Variants in SRD5A2 observed in about 807,000 individuals in gnomAD.
SRD5A2 encodes steroid 5 alpha-reductase 2.
SRD5A2 carries 30 observed loss-of-function variants against 27.4 expected under a neutral mutation model. The observed-to-expected ratio is 1.10, with a 90% CI of 0.82 to 1.49. The LOEUF is 1.49. SRD5A2 is among the 40% of genes most tolerant of loss of function. SRD5A2 has a pLI of 0.00. For missense variants in SRD5A2, 348 were observed against 323.4 expected, an observed-to-expected ratio of 1.08 and a Z score of -0.58; for synonymous variants, 141 against 133.6, an observed-to-expected ratio of 1.06 and a Z score of -0.38.
intron 1 of SRD5A2, among the ~76,000 whole-genome samples, chr2:31,554,468 T>G (rs984228106): frequency 3.3e-5 from 5 of 152,194 alleles, no homozygotes; most frequent in African/African-American, 1.2e-4. Context: ...GTATAGTTTT[T>G]CAATATGGAC....
chr2:31,586,903 C>A, the SRD5A2 span, among the ~76,000 whole-genome samples: 2 of 152,106 alleles, frequency 1.3e-5, no homozygotes, highest in South Asian at 4.1e-4. Context: ...TGGACCAATC[C>A]TGGAGAAACA....
intron 1 of SRD5A2, among the ~76,000 whole-genome samples, chr2:31,551,231 G>A (rs1666375911): frequency 6.6e-6 from 1 of 152,036 alleles, no homozygotes; most frequent in Non-Finnish European, 1.5e-5. Flanking sequence ...GACATATCAT[G>A]TTCATGGATT....
At chr2:31,653,840 A>G in the SRD5A2 span, among the ~76,000 whole-genome samples, 1 of 152,210 alleles carries the variant, frequency 6.6e-6, no homozygotes, top group East Asian at 1.9e-4. Flanking sequence ...TTGTATTTTT[A>G]GTAGAAACGG....
chr2:31,644,468 G>A, the SRD5A2 span, among the ~76,000 whole-genome samples: 1 of 152,144 alleles, frequency 6.6e-6, no homozygotes, highest in African/African-American at 2.4e-5. Flanking sequence ...GCTGGTGGTG[G>A]GGCTAGTTAA....
At chr2:31,527,235 G>A (rs375676393) in intron 4 of SRD5A2, among the ~76,000 whole-genome samples, 2 of 152,146 alleles carry the variant, frequency 1.3e-5, no homozygotes, top group East Asian at 1.9e-4. Flanking sequence ...TGCTTAAGTT[G>A]CCAGGCTGTC....
At chr2:31,605,769 C>A in the SRD5A2 span, among the ~76,000 whole-genome samples, 3 of 151,592 alleles carry the variant, frequency 2.0e-5, no homozygotes, top group Non-Finnish European at 4.4e-5. Context: ...AATTGAGCTA[C>A]TATATGATCC....
the SRD5A2 span, among the ~76,000 whole-genome samples, chr2:31,600,553 G>A: frequency 3.3e-5 from 5 of 151,714 alleles, no homozygotes; most frequent in South Asian, 2.1e-4. Flanking sequence ...ATGGTATCTC[G>A]TTTTGATTTG....
the SRD5A2 span, among the ~76,000 whole-genome samples, chr2:31,652,645 T>C: frequency 6.6e-6 from 1 of 152,062 alleles, no homozygotes; most frequent in Non-Finnish European, 1.5e-5. Flanking sequence ...TTGGATACGG[T>C]TGAAATGCAA....
In SRD5A2 at chr2:31,564,982, T is replaced by C. The variant is rs369770296; in HGVS notation, c.281+15638A>G. On this transcript the variant is annotated intron_variant, in intron 1 of 4. Coordinates refer to ENST00000622030, the MANE Select transcript of SRD5A2 (RefSeq NM_000348.4). ...ATCTTATTTAAAACTGTTTAAAAGA[T>C]AATTGACGATTTAAACAAAAATAAT... Among the ~76,000 whole-genome samples the C allele has an allele frequency of 9.9e-5, 15 of 151,980 alleles. No homozygotes were observed. In the East Asian group the frequency reaches 2.3e-3, roughly 23 times the overall value.
chr2:31,583,630 AAAAAAAAAGC>A (rs1667123166), upstream of SRD5A2, among the ~76,000 whole-genome samples: 1 of 25,908 alleles, frequency 3.9e-5, no homozygotes, highest in African/African-American at 8.4e-5. Flanking sequence ...AAAAAAAAAC[AAAAAAAAAGC>A]AAAAAAAAAA....
chr2:31,657,291 T>C, the SRD5A2 span, among the ~76,000 whole-genome samples: 4 of 152,240 alleles, frequency 2.6e-5, no homozygotes, highest in Non-Finnish European at 5.9e-5. Flanking sequence ...TAGACTATCT[T>C]CAGAATTTTT....
At chr2:31,625,745 G>A in the SRD5A2 span, among the ~76,000 whole-genome samples, 1 of 152,182 alleles carries the variant, frequency 6.6e-6, no homozygotes, top group Admixed American at 6.6e-5. Context: ...TCAGTACAAT[G>A]CTGTTTTGGT....
the SRD5A2 span, among the ~76,000 whole-genome samples, chr2:31,625,230 G>A: frequency 6.6e-6 from 1 of 152,058 alleles, no homozygotes; most frequent in African/African-American, 2.4e-5. Flanking sequence ...TTGTAAATTT[G>A]TTTAAGTTCT....
chr2:31,569,993 A>C (rs558410493), intron 1 of SRD5A2, among the ~76,000 whole-genome samples: 5 of 152,340 alleles, frequency 3.3e-5, no homozygotes, highest in Admixed American at 6.5e-5. Context: ...ACTCCAAAAA[A>C]TTGAGGAAGA....
At chr2:31,528,982 C>A (rs996656503) in intron 4 of SRD5A2, among the ~76,000 whole-genome samples, 1 of 152,142 alleles carries the variant, frequency 6.6e-6, no homozygotes, top group African/African-American at 2.4e-5. Flanking sequence ...TCAGCTAACC[C>A]AAGAAGGTGC....
At chr2:31,527,445 C>G (rs1665805838) in intron 4 of SRD5A2, 2 of 152,246 alleles carry the variant, frequency 1.3e-5, no homozygotes, top group South Asian at 4.1e-4. Context: ...TTTATAGAAG[C>G]CTTCACAAAG....
intron 1 of SRD5A2, among the ~76,000 whole-genome samples, 182 bp from the exon 2 acceptor site, chr2:31,533,948 C>G (rs1487224642): frequency 6.6e-6 from 1 of 152,014 alleles, no homozygotes; most frequent in Non-Finnish European, 1.5e-5. Context: ...AATTACATAC[C>G]TGAAAAGTAC....
At chr2:31,546,968 C>T (rs955338756) in intron 1 of SRD5A2, among the ~76,000 whole-genome samples, 10 of 152,010 alleles carry the variant, frequency 6.6e-5, no homozygotes, top group African/African-American at 2.4e-4. Flanking sequence ...CGTGGTGGCA[C>T]ATGCCTGTAA....
the SRD5A2 span, among the ~76,000 whole-genome samples, chr2:31,586,014 C>T: frequency 1.3e-5 from 2 of 152,030 alleles, no homozygotes; most frequent in Non-Finnish European, 2.9e-5. Context: ...AGTGCCAGCT[C>T]AGTGTTTTTG....
Sources: allele counts gnomAD v4.1 joint callset (sites outside exome capture counted in the v4.1 genomes callset), GRCh38; gene constraint gnomAD v4.1.1; transcripts MANE v1.5; gene names NCBI Gene and HGNC (gene_info 2026-07-23, HGNC 2026-07-21).